The following KCNJ6 variants were observed in gnomAD, a reference collection of about 807,000 sequenced individuals.
KCNJ6 encodes G protein-activated inward rectifier potassium channel 2.
A neutral mutation model predicts 34.2 loss-of-function variants in KCNJ6; 9 were observed. The observed-to-expected ratio is 0.26, with a 90% CI of 0.16 to 0.46. The LOEUF is 0.46. KCNJ6 is among the 20% of genes least tolerant of loss of function. The pLI is 1.00. For synonymous variants in KCNJ6, 196 were observed against 207.1 expected, an observed-to-expected ratio of 0.95 and a Z score of 0.46; for missense variants, 236 against 531.3, an observed-to-expected ratio of 0.44 and a Z score of 5.46.
At chr21:37,766,942 A>C (rs2055094364) in intron 2 of KCNJ6, among the ~76,000 whole-genome samples, 1 of 152,172 alleles carries the variant, frequency 6.6e-6, no homozygotes, top group Admixed American at 6.5e-5. Flanking sequence ...ATGATCTGAG[A>C]AACAGTTTCA....
Position 37,607,482 on chromosome 21 carries a change from A to ATATATATATATATATATTTT in KCNJ6, c.*17676_*17677insAAAATATATATATATATATA. 241 of 136,684 alleles carry ATATATATATATATATATTTT rather than the reference A, an allele frequency of 1.8e-3. 1 individual carries two copies. The highest frequency in any genetic ancestry group is 0.012 in the Middle Eastern group (3 of 258). 8.5% of individuals were successfully genotyped at this position (136,684 alleles called of 1,614,324 possible). A position where few individuals can be genotyped will look rare whatever the true frequency, so the allele number is the denominator to read the frequency against. Reference sequence around the variant, plus strand: ...CTTAAAGATATATATATATATATATATTTTTTTTTTATTTTAAAAAAATTT... The same window carrying ATATATATATATATATATTTT: ...CTTAAAGATATATATATATATATATATATATATATATATATATTTTTTTTTTTTTTATTTTAAAAAAATTT... On this transcript the variant is annotated 3_prime_UTR_variant, in exon 4 of 4. Coordinates refer to ENST00000609713, the MANE Select transcript of KCNJ6 (RefSeq NM_002240.5).
chr21:37,772,352 A>G (rs748756519), intron 2 of KCNJ6, among the ~76,000 whole-genome samples: 1 of 151,824 alleles, frequency 6.6e-6, no homozygotes, highest in Non-Finnish European at 1.5e-5. Flanking sequence ...GTTCATTGAT[A>G]GAAACACACA....
intron 3 of KCNJ6, among the ~76,000 whole-genome samples, chr21:37,705,395 C>A (rs1276061214): frequency 6.6e-6 from 1 of 152,140 alleles, no homozygotes; most frequent in Non-Finnish European, 1.5e-5. Flanking sequence ...GAATGGTACC[C>A]ACATTTCAGA....
chr21:37,864,872 T>C (rs1414040610), intron 1 of KCNJ6, among the ~76,000 whole-genome samples: 1 of 71,568 alleles, frequency 1.4e-5, no homozygotes, highest in Non-Finnish European at 2.6e-5. Flanking sequence ...TCTCTCTCTC[T>C]TTTTTTTTTT....
At chr21:37,865,151 G>C (rs541758807) in intron 1 of KCNJ6, among the ~76,000 whole-genome samples, 131 of 152,292 alleles carry the variant, frequency 8.6e-4, no homozygotes, top group African/African-American at 3.0e-3. Context: ...CTCCGTGTAG[G>C]AGTGTTAGAA....
At chr21:37,785,206 G>A (rs545323906) in intron 2 of KCNJ6, among the ~76,000 whole-genome samples, 6 of 152,194 alleles carry the variant, frequency 3.9e-5, no homozygotes, top group Non-Finnish European at 8.8e-5. Flanking sequence ...CCATGAGGAT[G>A]AGAACCTGAG....
intron 2 of KCNJ6, among the ~76,000 whole-genome samples, chr21:37,793,916 C>A (rs79713949): frequency 0.017 from 2,588 of 152,284 alleles, 74 homozygotes; most frequent in African/African-American, 0.056. Flanking sequence ...ATGACACAGG[C>A]ATGATGAAAG....
intron 3 of KCNJ6, among the ~76,000 whole-genome samples, chr21:37,631,189 A>T (rs948421581): frequency 6.6e-6 from 1 of 152,178 alleles, no homozygotes; most frequent in African/African-American, 2.4e-5. Flanking sequence ...GCAAGTACTT[A>T]TGGTTAAGTG....
intron 2 of KCNJ6, among the ~76,000 whole-genome samples, chr21:37,746,361 GC>G (rs1308719756): frequency 6.6e-6 from 1 of 152,160 alleles, no homozygotes; most frequent in Non-Finnish European, 1.5e-5. Flanking sequence ...TCATGAGGTT[GC>G]AAGAGAGCCC....
intron 1 of KCNJ6, among the ~76,000 whole-genome samples, chr21:37,856,746 T>C (rs1025234437): frequency 1.3e-5 from 2 of 152,180 alleles, no homozygotes; most frequent in African/African-American, 2.4e-5. Flanking sequence ...TTTCCATTTT[T>C]CAAAATTAAA....
chr21:37,699,938 C>T (rs527586530), intron 3 of KCNJ6, among the ~76,000 whole-genome samples: 5 of 152,292 alleles, frequency 3.3e-5, no homozygotes, highest in South Asian at 2.1e-4. Context: ...TTGCCCACAA[C>T]TGGTAGAGCC....
intron 2 of KCNJ6, among the ~76,000 whole-genome samples, chr21:37,781,821 G>A (rs1277205999): frequency 6.6e-6 from 1 of 152,060 alleles, no homozygotes; most frequent in Non-Finnish European, 1.5e-5. Flanking sequence ...TCAAAGCCCG[G>A]TATTGTCACA....
At chr21:37,813,531 A>G (rs1442867464) in intron 2 of KCNJ6, among the ~76,000 whole-genome samples, 3 of 152,180 alleles carry the variant, frequency 2.0e-5, no homozygotes, top group Non-Finnish European at 4.4e-5. Context: ...AACAAAAACA[A>G]CAGGGTACTG....
intron 3 of KCNJ6, among the ~76,000 whole-genome samples, chr21:37,712,916 T>G (rs922088565): frequency 3.3e-5 from 5 of 151,906 alleles, no homozygotes; most frequent in African/African-American, 1.2e-4. Context: ...ACAGTGACTT[T>G]TGTTATTCTT....
intron 2 of KCNJ6, among the ~76,000 whole-genome samples, chr21:37,747,131 A>G (rs1248839950): frequency 6.6e-6 from 1 of 152,228 alleles, no homozygotes; most frequent in Non-Finnish European, 1.5e-5. Flanking sequence ...GCAGAGGAAA[A>G]GACGCCCTGC....
At chr21:37,895,120 G>A (rs1322828293) in intron 1 of KCNJ6, among the ~76,000 whole-genome samples, 1 of 152,154 alleles carries the variant, frequency 6.6e-6, no homozygotes, top group Admixed American at 6.5e-5. Flanking sequence ...AAGCAGGGGA[G>A]AGAAATACAC....
At chr21:37,822,508 G>A (rs1188852447) in intron 2 of KCNJ6, among the ~76,000 whole-genome samples, 1 of 152,206 alleles carries the variant, frequency 6.6e-6, no homozygotes, top group East Asian at 1.9e-4. Flanking sequence ...CTCTGAATGG[G>A]TACGGGCTAT....
intron 1 of KCNJ6, among the ~76,000 whole-genome samples, chr21:37,904,567 G>T (rs958039512): frequency 6.6e-6 from 1 of 151,982 alleles, no homozygotes; most frequent in Non-Finnish European, 1.5e-5. Flanking sequence ...GTGCCATAAA[G>T]GTTAAGTTCC....
intron 3 of KCNJ6, among the ~76,000 whole-genome samples, chr21:37,643,226 C>CT (rs1335167232): frequency 6.6e-6 from 1 of 152,160 alleles, no homozygotes; most frequent in Non-Finnish European, 1.5e-5. Flanking sequence ...CTAGGAAACT[C>CT]TGTCTACATT....
Sources: allele counts gnomAD v4.1 joint callset (sites outside exome capture counted in the v4.1 genomes callset), GRCh38; gene constraint gnomAD v4.1.1; transcripts MANE v1.5; gene names NCBI Gene and HGNC (gene_info 2026-07-23, HGNC 2026-07-21).